Variants in TIMM17A observed in about 807,000 individuals in gnomAD.
The protein encoded by TIMM17A is mitochondrial import inner membrane translocase subunit Tim17-A.
Under a neutral mutation model 26.5 loss-of-function variants are expected in TIMM17A, and 15 were observed. The observed-to-expected ratio is 0.57, with a 90% CI of 0.38 to 0.87. The LOEUF (loss-of-function observed/expected upper bound fraction) is 0.87, where lower values mean the gene tolerates loss of function less well. Ranked by LOEUF, TIMM17A falls within the 40% of genes least tolerant of loss-of-function variation. The pLI is 0.00. For missense variants in TIMM17A, 201 were observed against 210.0 expected (o/e 0.96, Z 0.27); for synonymous variants, 80 against 70.8 (o/e 1.13, Z -0.66).
intron 3 of TIMM17A, among the ~76,000 whole-genome samples, chr1:201,961,526 T>G (rs1347237424): frequency 1.3e-5 from 2 of 152,052 alleles, no homozygotes; most frequent in African/African-American, 4.8e-5. Flanking sequence ...TGTAGCCATT[T>G]CTCCAAAGAG....
chr1:201,955,629 A>G (rs573401022), intron 1 of TIMM17A, 77 bp downstream of exon 1: 2 of 1,599,694 alleles, frequency 1.3e-6, no homozygotes, highest in African/African-American at 2.7e-5. Flanking sequence ...CAGGCTCCCA[A>G]GGTGCAAGCC....
chr1:201,968,589 G>T (rs1039158333), intron 5 of TIMM17A, among the ~76,000 whole-genome samples: 2 of 151,048 alleles, frequency 1.3e-5, no homozygotes, highest in African/African-American at 4.9e-5. Context: ...ACGGGGTTTC[G>T]CCATGTTGTC....
intron 1 of TIMM17A, among the ~76,000 whole-genome samples, 154 bp from the exon 2 acceptor site, chr1:201,957,127 G>A (rs1032105372): frequency 1.3e-5 from 2 of 152,170 alleles, no homozygotes; most frequent in South Asian, 2.1e-4. Flanking sequence ...TTTGATTACA[G>A]CATTTCCTCA....
At chr1:201,957,765 T>G (rs1682441639) in intron 3 of TIMM17A, 191 bp downstream of exon 3, 1 of 529,464 alleles carries the variant, frequency 1.9e-6, no homozygotes, top group Non-Finnish European at 3.3e-6. Context: ...GATACCCATT[T>G]GAAAATCTTG....
rs183453868 is a variant in TIMM17A, at chr1:201,968,040, A to G, written c.431-1429A>G. Among the ~76,000 whole-genome samples, 673 of 151,688 alleles carry G rather than the reference A, an allele frequency of 4.4e-3. 7 individuals are homozygous for G. Among genetic ancestry groups the G allele is most frequent in the African/African-American group, 0.015 (629 of 41,362 alleles). On this transcript the variant is annotated intron_variant, in intron 5 of 5. Transcript: ENST00000367287. Reference sequence around the variant, plus strand: ...GAGACAGAGTCTCGGTCTGTCGCCCAGGCTGGATTGCAGTGGTGCAATCTC... The same window carrying G: ...GAGACAGAGTCTCGGTCTGTCGCCCGGGCTGGATTGCAGTGGTGCAATCTC...
At chr1:201,968,779 C>G (rs980393712) in intron 5 of TIMM17A, among the ~76,000 whole-genome samples, 1 of 152,120 alleles carries the variant, frequency 6.6e-6, no homozygotes, top group African/African-American at 2.4e-5. Context: ...TTGAAAACTT[C>G]AGAGAATTCT....
intron 4 of TIMM17A, among the ~76,000 whole-genome samples, chr1:201,965,140 C>T (rs938391301): frequency 3.9e-5 from 6 of 151,974 alleles, no homozygotes; most frequent in African/African-American, 9.7e-5. Flanking sequence ...TTAGTAGAGA[C>T]GGGGTTTCCC....
At chr1:201,958,341 A>C (rs1235697073) in intron 3 of TIMM17A, among the ~76,000 whole-genome samples, 4 of 152,198 alleles carry the variant, frequency 2.6e-5, no homozygotes, top group African/African-American at 9.6e-5. Context: ...TACTTTGTAA[A>C]CTTGGTTATT....
At chr1:201,965,383 G>C in intron 4 of TIMM17A, 50 bp from the exon 5 acceptor site, 1 of 1,309,008 alleles carries the variant, frequency 7.6e-7, no homozygotes, top group South Asian at 1.2e-5. Flanking sequence ...ATCTCTTACA[G>C]TAAACTAGAT....
chr1:201,955,569 T>A lies in TIMM17A; in HGVS notation c.26+17T>A, dbSNP rs374581452. On this transcript the variant is annotated intron_variant, in intron 1 of 5. Transcript: ENST00000367287. ...AGAGCCTTGGTGAGCTTCACCGCTG[T>A]CTTTGCATTTCTCTTGCCCCCCTGC... The A allele has an allele frequency of 3.1e-6, 5 of 1,614,232 alleles. No individual in the cohort carries two copies. Among genetic ancestry groups the A allele is most frequent in the Middle Eastern group, 1.6e-4 (1 of 6,062 alleles).
intron 5 of TIMM17A, among the ~76,000 whole-genome samples, chr1:201,967,520 T>TATTTATTTATTTTATTA (rs1196484645): frequency 6.6e-6 from 1 of 151,180 alleles, no homozygotes; most frequent in African/African-American, 2.4e-5. Flanking sequence ...ATCTCCTTTT[T>TATTTATTTATTTTATTA]ATTTATTTAT....
chr1:201,968,514 C>A (rs919523202), intron 5 of TIMM17A, among the ~76,000 whole-genome samples: 2 of 151,650 alleles, frequency 1.3e-5, no homozygotes, highest in Admixed American at 6.6e-5. Flanking sequence ...TGCCTCAGCT[C>A]CTGAGTAGTT....
chr1:201,959,590 G>C (rs1041568408), intron 3 of TIMM17A, among the ~76,000 whole-genome samples: 2 of 151,492 alleles, frequency 1.3e-5, no homozygotes, highest in African/African-American at 4.9e-5. Context: ...GGAGGTGGAG[G>C]TTGCAGTGAG....
intron 1 of TIMM17A, among the ~76,000 whole-genome samples, chr1:201,957,024 T>C (rs1423422805): frequency 6.6e-6 from 1 of 152,184 alleles, no homozygotes; most frequent in Non-Finnish European, 1.5e-5. Context: ...GGTAGCCCCT[T>C]TGCTTTCTCT....
chr1:201,966,946 T>G (rs544096661), intron 5 of TIMM17A, among the ~76,000 whole-genome samples: 1 of 147,326 alleles, frequency 6.8e-6, no homozygotes, highest in East Asian at 2.0e-4. Context: ...ATATATGTTA[T>G]GTATTATATA....
chr1:201,958,411 G>T (rs1053030153), intron 3 of TIMM17A, among the ~76,000 whole-genome samples: 7 of 152,252 alleles, frequency 4.6e-5, no homozygotes, highest in Middle Eastern at 3.2e-3. Flanking sequence ...ACTTACAAAG[G>T]TATAGTCAGG....
At chr1:201,955,927 C>CT (rs377409582) in intron 1 of TIMM17A, among the ~76,000 whole-genome samples, 84 of 152,360 alleles carry the variant, frequency 5.5e-4, no homozygotes, top group African/African-American at 1.9e-3. Context: ...TCCGTCTCGC[C>CT]TTGCTCAGTT....
chr1:201,963,504 T>C (rs1001601470), intron 3 of TIMM17A, 112 bp from the exon 4 acceptor site: 40 of 1,072,966 alleles, frequency 3.7e-5, no homozygotes, highest in Non-Finnish European at 5.3e-5. Context: ...TGCATGTATT[T>C]GTTTGGACTA....
chr1:201,959,470 G>A (rs1271451043), intron 3 of TIMM17A, among the ~76,000 whole-genome samples: 2 of 151,252 alleles, frequency 1.3e-5, no homozygotes, highest in African/African-American at 4.9e-5. Context: ...CCTGGCCAAC[G>A]TGGTGAAACC....
Sources: gnomAD v4.1 joint callset for allele counts (sites outside exome capture counted in the v4.1 genomes callset) on GRCh38, gnomAD v4.1.1 for gene constraint, MANE v1.5 for transcripts, NCBI Gene and HGNC (gene_info 2026-07-23, HGNC 2026-07-21) for gene names.